ALDH6A1: variants seen among roughly 807,000 people sequenced by gnomAD.
ALDH6A1 encodes aldehyde dehydrogenase 6 family member A1.
ALDH6A1 carries 43 observed loss-of-function variants against 62.6 expected under a neutral mutation model. That is an observed-to-expected ratio of 0.69 (90% CI 0.54 to 0.89). The LOEUF (loss-of-function observed/expected upper bound fraction) is 0.89. ALDH6A1 is among the 40% of genes least tolerant of loss of function. ALDH6A1 has a pLI of 0.00. For missense variants in ALDH6A1, 551 were observed against 661.3 expected, an observed-to-expected ratio of 0.83 and a Z score of 1.83; for synonymous variants, 194 against 234.2, an observed-to-expected ratio of 0.83 and a Z score of 1.57.
intron 7 of ALDH6A1, 71 bp downstream of exon 7, chr14:74,068,789 G>C (rs2060508134): frequency 6.4e-7 from 1 of 1,562,548 alleles, no homozygotes; most frequent in Admixed American, 1.7e-5. Flanking sequence ...TGGCCTCTCT[G>C]CTGAAGGTCT....
rs1595118385 is a variant in ALDH6A1 at position 74,066,970 on chromosome 14, C to T, written c.1043-84G>A. 2.2e-6 allele frequency: 3 copies of T among 1,344,290 alleles called. No individual in the cohort carries two copies. The East Asian group carries it at 7.0e-5, about 31-fold the overall frequency. 83.3% of individuals were successfully genotyped at this position (1,344,290 alleles called of 1,614,324 possible). A position where few individuals can be genotyped will look rare whatever the true frequency, so the allele number is the denominator to read the frequency against. The stretch of plus-strand genomic sequence containing the variant: ...AGGGCTCATGCCTGTAATCCCAAAG[C>T]TTTAGGAGGCCAAGGCAGGAGGACT... On this transcript the variant is annotated intron_variant, in intron 8 of 11. Coordinates refer to ENST00000553458, the MANE Select transcript of ALDH6A1 (RefSeq NM_005589.4).
chr14:74,080,666 C>A (rs991431884), intron 1 of ALDH6A1, among the ~76,000 whole-genome samples: 1 of 152,152 alleles, frequency 6.6e-6, no homozygotes, highest in African/African-American at 2.4e-5. Context: ...TGGTTTTGAA[C>A]TCTTAGCCTC....
At position 74,064,582 on chromosome 14, in the gene ALDH6A1, A is replaced by C. The variant is rs2060427314; in HGVS notation, c.1503+240T>G. 3.7e-6 allele frequency: 4 copies of C among 1,077,248 alleles called. No individual in the cohort carries two copies. The South Asian group carries it at 5.0e-5, about 14-fold the overall frequency. 66.7% of individuals were successfully genotyped at this position (1,077,248 alleles called of 1,614,324 possible). A position where few individuals can be genotyped will look rare whatever the true frequency, so the allele number is the denominator to read the frequency against. On this transcript the variant is annotated intron_variant, in intron 11 of 11. Transcript: ENST00000553458. Reference sequence around the variant, plus strand: ...CACACACTCAGGAAATGGCATATACAAAGGCTTAGACTTCCCCATGCTCTT... The same window carrying C: ...CACACACTCAGGAAATGGCATATACCAAGGCTTAGACTTCCCCATGCTCTT...
intron 11 of ALDH6A1, 144 bp downstream of exon 11, chr14:74,064,678 T>C (rs368475916): frequency 4.1e-5 from 66 of 1,613,984 alleles, no homozygotes; most frequent in Middle Eastern, 3.3e-4. Context: ...AACTTTTAAA[T>C]CTTTTTTAGG....
At chr14:74,081,515 G>T (rs908816303) in intron 1 of ALDH6A1, among the ~76,000 whole-genome samples, 2 of 152,106 alleles carry the variant, frequency 1.3e-5, no homozygotes, top group African/African-American at 4.8e-5. Context: ...TGACAGGTTC[G>T]ATCTTCTATC....
At chr14:74,067,795 C>A (rs1316771634) in intron 7 of ALDH6A1, among the ~76,000 whole-genome samples, 1 of 151,834 alleles carries the variant, frequency 6.6e-6, no homozygotes, top group Admixed American at 6.6e-5. Context: ...CATAATGGCA[C>A]CAGTCTGTGG....
intron 10 of ALDH6A1, 78 bp downstream of exon 10, chr14:74,065,103 G>T: frequency 6.5e-7 from 1 of 1,548,396 alleles, no homozygotes; most frequent in Non-Finnish European, 8.9e-7. Context: ...TTAAACCAAT[G>T]ACTCACCATT....
rs944658635 is a variant in ALDH6A1, at chr14:74,084,412, G to C, written c.-18C>G. On this transcript the variant is annotated 5_prime_UTR_variant, in exon 1 of 12. Transcript: ENST00000553458. ...GCCGCCATGGCTCTCGGCCGCCCTAGCTCCGCACCCCGCGCCTCTACTGCC... is the reference window on the plus strand; with the variant it reads ...GCCGCCATGGCTCTCGGCCGCCCTACCTCCGCACCCCGCGCCTCTACTGCC... 6.2e-7 allele frequency: 1 copy of C among 1,612,466 alleles called. No individual in the cohort carries two copies. Among genetic ancestry groups the C allele is most frequent in the Non-Finnish European group, 8.5e-7 (1 of 1,179,730 alleles).
intron 2 of ALDH6A1, 51 bp downstream of exon 2, chr14:74,074,904 A>G: frequency 6.4e-7 from 1 of 1,571,968 alleles, no homozygotes; most frequent in Non-Finnish European, 8.8e-7. Context: ...GATACCCAAA[A>G]CTATACTGAA....
In ALDH6A1 at chr14:74,060,194, T is replaced by C. The variant is rs906516185; in HGVS notation, c.*448A>G. On this transcript the variant is annotated 3_prime_UTR_variant, in exon 12 of 12. Transcript: ENST00000553458. ...TTACTTTTTCAATTTTTTTAAATAATAGATACGGGGTTTCGCCACGTTCTT... is the reference window on the plus strand; with the variant it reads ...TTACTTTTTCAATTTTTTTAAATAACAGATACGGGGTTTCGCCACGTTCTT... 1.9e-5 allele frequency: 3 copies of C among 155,110 alleles called. No individual in the cohort carries two copies. The highest frequency in any genetic ancestry group is 7.2e-5 in the African/African-American group (3 of 41,454). 9.6% of individuals were successfully genotyped at this position (155,110 alleles called of 1,614,324 possible).
chr14:74,079,802 C>G (rs748769671), intron 1 of ALDH6A1, among the ~76,000 whole-genome samples: 8 of 152,124 alleles, frequency 5.3e-5, no homozygotes, highest in Non-Finnish European at 1.2e-4. Context: ...CTCCTGGCCT[C>G]AAATGATCTG....
At position 74,066,868 on chromosome 14, in the gene ALDH6A1, TC is replaced by T; in HGVS notation, c.1060del (p.Asp354IlefsTer5). On this transcript the variant is annotated frameshift_variant, in exon 9 of 12. Coordinates refer to ENST00000553458, the MANE Select transcript of ALDH6A1 (RefSeq NM_005589.4). LOFTEE classifies it high-confidence loss of function. The part of the protein sequence containing the change: ...RVNAGDQPGA[D>X]LGPLITPQAK... The stretch of plus-strand genomic sequence containing the variant: ...CTGGGGAGTGATCAGAGGGCCAAGA[TC>T]AGCTCCAGGCTGATCTCCTGTAAAA... The T allele has an allele frequency of 1.2e-6, 2 of 1,613,976 alleles. No homozygotes were observed. The highest frequency in any genetic ancestry group is 1.7e-6 in the Non-Finnish European group (2 of 1,179,940).
chr14:74,057,615 A>G lies in ALDH6A1; in HGVS notation c.*3027T>C, dbSNP rs770179459. 16 of 1,338,090 alleles carry G rather than the reference A, an allele frequency of 1.2e-5. No individual in the cohort carries two copies. The highest frequency in any genetic ancestry group is 1.5e-5 in the Non-Finnish European group (15 of 1,027,100). 82.9% of individuals were successfully genotyped at this position (1,338,090 alleles called of 1,614,324 possible). A position where few individuals can be genotyped will look rare whatever the true frequency, so the allele number is the denominator to read the frequency against. The stretch of plus-strand genomic sequence containing the variant: ...GGAAGTCAGAGTCATTACAACCTAG[A>G]GGACAAAGGCTTATAAGGAGATATG... On this transcript the variant is annotated 3_prime_UTR_variant, in exon 12 of 12. Transcript: ENST00000553458.
At chr14:74,073,084 G>A (rs1437791854) in intron 2 of ALDH6A1, among the ~76,000 whole-genome samples, 1 of 152,144 alleles carries the variant, frequency 6.6e-6, no homozygotes, top group Non-Finnish European at 1.5e-5. Flanking sequence ...ACAGGCGTGA[G>A]CCTCTGCACC....
intron 6 of ALDH6A1, chr14:74,069,368 CT>C: frequency 9.8e-6 from 3 of 305,572 alleles, no homozygotes; most frequent in South Asian, 8.9e-5. Context: ...TCCCAAAATG[CT>C]GGGATTACAG....
At chr14:74,079,753 G>A (rs560219174) in intron 1 of ALDH6A1, among the ~76,000 whole-genome samples, 18 of 152,178 alleles carry the variant, frequency 1.2e-4, no homozygotes, top group Non-Finnish European at 2.2e-4. Context: ...ATTTTTAGTG[G>A]AGATGCGGTT....
In ALDH6A1 at chr14:74,071,932, G is replaced by A; in HGVS notation, c.391C>T (p.Leu131=). 1.2e-6 allele frequency: 2 copies of A among 1,614,224 alleles called. No individual in the cohort carries two copies. The highest frequency in any genetic ancestry group is 1.7e-6 in the Non-Finnish European group (2 of 1,180,044). The change falls in exon 5 of 12, where the codon CTA becomes TTA. Residue 131 remains leucine (L), a synonymous_variant. Transcript: ENST00000553458. The part of the protein sequence containing the change: ...KLITLEQGKT[L]ADAEGDVFRG... ...AATACATCTCCTTCAGCATCAGCTA[G>A]GGTCTTCCCTTGTTCCAATGTGATT... is the stretch of plus-strand genomic sequence containing the variant.
chr14:74,075,163 T>C (rs2060598154), intron 1 of ALDH6A1, 146 bp from the exon 2 acceptor site: 1 of 712,718 alleles, frequency 1.4e-6, no homozygotes, highest in Non-Finnish European at 2.5e-6. Context: ...AGAAAAGATA[T>C]GAATCTATGA....
rs1566830594 is a variant in ALDH6A1 at position 74,067,563 on chromosome 14, T to G, written c.859A>C (p.Lys287Gln). 6.2e-7 allele frequency: 1 copy of G among 1,613,934 alleles called. No individual in the cohort carries two copies. Residue 287 changes from lysine (K) to glutamine (Q), a missense_variant, in exon 8 of 12, where the codon AAG (lysine) becomes CAG (glutamine). By Grantham distance (53) the Lys-to-Gln change is moderately conservative. Coordinates refer to ENST00000553458, the MANE Select transcript of ALDH6A1 (RefSeq NM_005589.4). ...GKRVQANMGA[K>Q]NHGVVMPDAN... ...TCTGGCATGACTACCCCATGGTTCT[T>G]GGCTCCCTAAAAAAAAATGCAGAAA...
Sources: allele counts gnomAD v4.1 joint callset (sites outside exome capture counted in the v4.1 genomes callset), GRCh38; gene constraint gnomAD v4.1.1; transcripts MANE v1.5; gene names NCBI Gene and HGNC (gene_info 2026-07-23, HGNC 2026-07-21).